Variants in PLCL1 observed in about 807,000 individuals in gnomAD.
PLCL1 encodes the protein inactive phospholipase C-like protein 1.
Under a neutral mutation model 84.4 loss-of-function variants are expected in PLCL1, and 41 were observed. That is an observed-to-expected ratio of 0.49 (90% CI 0.38 to 0.63). The LOEUF (loss-of-function observed/expected upper bound fraction) is 0.63, where lower values mean the gene tolerates loss of function less well. PLCL1 is among the 30% of genes least tolerant of loss of function. The pLI is 0.00. For synonymous variants in PLCL1, 490 were observed against 488.3 expected, an observed-to-expected ratio of 1.00 and a Z score of -0.05; for missense variants, 1,206 against 1,367.8, an observed-to-expected ratio of 0.88 and a Z score of 1.87.
At chr2:197,972,473 CATCCTCGT>C (rs1410753947) in intron 1 of PLCL1, among the ~76,000 whole-genome samples, 2 of 152,148 alleles carry the variant, frequency 1.3e-5, no homozygotes, top group African/African-American at 4.8e-5. Flanking sequence ...TCAGAGAAAA[CATCCTCGT>C]AATGTTAATT....
At chr2:197,847,852 C>G (rs1477716856) in intron 1 of PLCL1, among the ~76,000 whole-genome samples, 1 of 152,198 alleles carries the variant, frequency 6.6e-6, no homozygotes, top group Non-Finnish European at 1.5e-5. Context: ...TTGGCAGTAT[C>G]TGTCTTAGAA....
chr2:198,014,164 T>C (rs895113194), intron 1 of PLCL1, among the ~76,000 whole-genome samples: 6 of 152,166 alleles, frequency 3.9e-5, no homozygotes, highest in Non-Finnish European at 5.9e-5. Flanking sequence ...TACAAGGAAC[T>C]GGTGTGCTAC....
At chr2:197,899,093 A>G (rs757192448) in intron 1 of PLCL1, among the ~76,000 whole-genome samples, 4 of 152,206 alleles carry the variant, frequency 2.6e-5, no homozygotes, top group Non-Finnish European at 5.9e-5. Context: ...TTTTCCAGAC[A>G]CTGGGAATAG....
At chr2:197,923,656 C>T (rs566333683) in intron 1 of PLCL1, among the ~76,000 whole-genome samples, 34 of 149,064 alleles carry the variant, frequency 2.3e-4, no homozygotes, top group East Asian at 6.1e-4. Flanking sequence ...CGGGCGCAGA[C>T]GCTCCTCACT....
At chr2:198,000,620 T>A (rs191295499) in intron 1 of PLCL1, among the ~76,000 whole-genome samples, 296 of 152,230 alleles carry the variant, frequency 1.9e-3, no homozygotes, top group African/African-American at 6.9e-3. Flanking sequence ...ATCAGTGAAG[T>A]CATATGGTTT....
intron 1 of PLCL1, among the ~76,000 whole-genome samples, chr2:197,929,683 T>A (rs1386544097): frequency 2.6e-5 from 4 of 152,196 alleles, no homozygotes; most frequent in African/African-American, 4.8e-5. Context: ...CTGGACAGCT[T>A]CACATTTGGA....
At chr2:197,903,049 T>C (rs1445104504) in intron 1 of PLCL1, among the ~76,000 whole-genome samples, 3 of 152,198 alleles carry the variant, frequency 2.0e-5, no homozygotes, top group African/African-American at 7.2e-5. Context: ...TAAATTTTGG[T>C]CCATCAGTGA....
chr2:197,900,159 G>A (rs891502139), intron 1 of PLCL1, among the ~76,000 whole-genome samples: 1 of 152,210 alleles, frequency 6.6e-6, no homozygotes, highest in Non-Finnish European at 1.5e-5. Flanking sequence ...GCAGTAATTT[G>A]TGTGTTTTGA....
At chr2:197,824,366 T>C (rs1690883963) in intron 1 of PLCL1, among the ~76,000 whole-genome samples, 1 of 152,092 alleles carries the variant, frequency 6.6e-6, no homozygotes, top group Non-Finnish European at 1.5e-5. Flanking sequence ...TACTCCTTTT[T>C]TTTTTCACCC....
chr2:197,994,370 A>G (rs989981721), intron 1 of PLCL1, among the ~76,000 whole-genome samples: 1 of 152,194 alleles, frequency 6.6e-6, no homozygotes, highest in African/African-American at 2.4e-5. Flanking sequence ...TTGTATTTTA[A>G]CATCCTGTAA....
intron 1 of PLCL1, among the ~76,000 whole-genome samples, chr2:197,910,545 A>G (rs1385905768): frequency 4.6e-5 from 7 of 152,178 alleles, no homozygotes; most frequent in Admixed American, 4.6e-4. Context: ...TGGGTGAGAA[A>G]CTCTGTTTCT....
At chr2:198,094,607 T>C (rs1160022420) in intron 3 of PLCL1, among the ~76,000 whole-genome samples, 5 of 152,180 alleles carry the variant, frequency 3.3e-5, no homozygotes, top group African/African-American at 9.7e-5. Context: ...TAAGACTTTT[T>C]ATCTTTTTTA....
intron 1 of PLCL1, among the ~76,000 whole-genome samples, chr2:197,991,197 G>A (rs890095598): frequency 1.6e-4 from 25 of 152,060 alleles, no homozygotes; most frequent in African/African-American, 4.3e-4. Context: ...CTTTCGCTTC[G>A]TGCCTTCTTG....
chr2:197,959,994 G>A (rs1005132076), intron 1 of PLCL1, among the ~76,000 whole-genome samples: 2 of 152,048 alleles, frequency 1.3e-5, no homozygotes, highest in African/African-American at 4.8e-5. Context: ...AAATGACAAA[G>A]AGAGAACTAG....
At chr2:197,815,140 CAA>C (rs1690662724) in intron 1 of PLCL1, among the ~76,000 whole-genome samples, 3 of 152,162 alleles carry the variant, frequency 2.0e-5, no homozygotes, top group Admixed American at 2.0e-4. Context: ...GCAGTGAAAT[CAA>C]TGCCTGGCTT....
Position 197,807,826 on chromosome 2 carries a change from G to T in PLCL1, c.240+2487G>T, listed in dbSNP as rs79298086. Among the ~76,000 whole-genome samples, 907 of 152,272 alleles carry T rather than the reference G, an allele frequency of 6.0e-3. 13 individuals carry two copies. The highest frequency in any genetic ancestry group is 0.02 in the African/African-American group (845 of 41,540). On this transcript the variant is annotated intron_variant, in intron 1 of 5. Coordinates refer to ENST00000428675, the MANE Select transcript of PLCL1 (RefSeq NM_006226.4). Reference sequence around the variant, plus strand: ...ATTCATAATGCTGAGCCACTGAAAGGTTGTGAATCATCAAATATTAAATTC... The same window carrying T: ...ATTCATAATGCTGAGCCACTGAAAGTTTGTGAATCATCAAATATTAAATTC...
At chr2:197,827,670 A>G (rs1470737804) in intron 1 of PLCL1, among the ~76,000 whole-genome samples, 2 of 152,194 alleles carry the variant, frequency 1.3e-5, no homozygotes. Context: ...GCATTAAAAA[A>G]GTACTCTGTT....
chr2:198,091,083 A>G (rs1471563918), intron 3 of PLCL1, among the ~76,000 whole-genome samples: 2 of 152,238 alleles, frequency 1.3e-5, no homozygotes, highest in East Asian at 3.8e-4. Flanking sequence ...TTTCATGTAC[A>G]GTTCTCTATG....
rs528827234 is a variant in PLCL1, at chr2:197,887,746, C to T, written c.240+82407C>T. Among the ~76,000 whole-genome samples, 9 of 152,176 alleles carry T rather than the reference C, an allele frequency of 5.9e-5. No homozygotes were observed. The South Asian group carries it at 8.3e-4, about 14-fold the overall frequency. ...CATGCCTCATTCCCTCCCACCATTC[C>T]GAGTCTCCAGTGTCTATTATTTCAT... On this transcript the variant is annotated intron_variant, in intron 1 of 5. Coordinates refer to ENST00000428675, the MANE Select transcript of PLCL1 (RefSeq NM_006226.4).
Sources: gnomAD v4.1 joint callset for allele counts (sites outside exome capture counted in the v4.1 genomes callset) on GRCh38, gnomAD v4.1.1 for gene constraint, MANE v1.5 for transcripts, NCBI Gene and HGNC (gene_info 2026-07-23, HGNC 2026-07-21) for gene names.